The following LMO3 variants were observed in gnomAD, a reference collection of about 807,000 sequenced individuals.
LMO3 encodes LIM domain only 3.
A neutral mutation model predicts 15.8 loss-of-function variants in LMO3; 2 were observed. The observed-to-expected ratio is 0.13, with a 90% CI of 0.05 to 0.40. The LOEUF is 0.40. Ranked by LOEUF, LMO3 falls within the 10% of genes least tolerant of loss-of-function variation. The pLI, the probability that LMO3 is intolerant of heterozygous loss-of-function variation, is 0.99. For synonymous variants in LMO3, 62 were observed against 63.8 expected (o/e 0.97, Z 0.13); for missense variants, 86 against 182.2 (o/e 0.47, Z 3.04).
Position 16,604,762 on chromosome 12 carries a change from T to A in LMO3, c.-9+1304A>T. On this transcript the variant is annotated intron_variant, in intron 1 of 3. Coordinates refer to ENST00000537304, the MANE Select transcript of LMO3 (RefSeq NM_018640.5). This position sits in a 1 kb window ranked among gnomAD's most constrained non-coding sequence, Gnocchi z 5.3. Reference sequence around the variant, plus strand: ...GCAGTTACAACAATAATATTTCGGTTCTTTCAGAAAGACACAAAAGCAGCG... The same window carrying A: ...GCAGTTACAACAATAATATTTCGGTACTTTCAGAAAGACACAAAAGCAGCG... 2.3e-6 allele frequency: 3 copies of A among 1,282,606 alleles called. No homozygotes were observed. In the South Asian group the frequency reaches 3.6e-5, roughly 16 times the overall value. The allele number at this position is 1,282,606 out of a possible 1,614,324, so 79.5% of individuals were successfully genotyped here. A position where few individuals can be genotyped will look rare whatever the true frequency, so the allele number is the denominator to read the frequency against.
chr12:16,592,073 T>C (rs1943510587), intron 2 of LMO3, among the ~76,000 whole-genome samples: 1 of 152,092 alleles, frequency 6.6e-6, no homozygotes, highest in Non-Finnish European at 1.5e-5. Context: ...CTGGATAGCT[T>C]ATTCTTCACA....
At position 16,584,591 on chromosome 12, in the gene LMO3, G is replaced by C. The variant is rs556007557; in HGVS notation, c.206+16064C>G. Among the ~76,000 whole-genome samples, 39 of 152,254 alleles carry C rather than the reference G, an allele frequency of 2.6e-4. 1 individual carries two copies. Among genetic ancestry groups the C allele is most frequent in the African/African-American group, 9.1e-4 (38 of 41,552 alleles). On this transcript the variant is annotated intron_variant, in intron 2 of 3. Coordinates refer to ENST00000537304, the MANE Select transcript of LMO3 (RefSeq NM_018640.5). This position sits in a 1 kb window ranked among gnomAD's most constrained non-coding sequence, Gnocchi z 5.2. The stretch of plus-strand genomic sequence containing the variant: ...ACATTGGCAAGTGGAGGAGTGGGGG[G>C]GGTAAGAGGCCTGTTTAGAGGTGGA...
intron 2 of LMO3, among the ~76,000 whole-genome samples, chr12:16,563,125 T>C (rs956378827): frequency 6.6e-6 from 1 of 152,226 alleles, no homozygotes; most frequent in Non-Finnish European, 1.5e-5. Context: ...TGATGAATTA[T>C]TGCCCCTTTT....
rs1943182607 is a variant in LMO3, at chr12:16,582,220, G to C, written c.206+18435C>G. Among the ~76,000 whole-genome samples, 2 of 152,032 alleles carry C rather than the reference G, an allele frequency of 1.3e-5. No individual in the cohort carries two copies. The highest frequency in any genetic ancestry group is 1.3e-4 in the Admixed American group (2 of 15,252). On this transcript the variant is annotated intron_variant, in intron 2 of 3. Transcript: ENST00000537304. This position sits in a 1 kb window ranked among gnomAD's most constrained non-coding sequence, Gnocchi z 4.1. The stretch of plus-strand genomic sequence containing the variant: ...GCTGAATTTTATCAATTGCCTTTTT[G>C]GTACAGACTGCCATAACTATGGTGT...
rs1014389004 is a variant in LMO3, at chr12:16,598,690, A to G, written c.206+1965T>C. ...TTTAGCAAAACACTTGAGACTATCA[A>G]ATATATTTTTACTACCACAAGGAAA... On this transcript the variant is annotated intron_variant, in intron 2 of 3. Coordinates refer to ENST00000537304, the MANE Select transcript of LMO3 (RefSeq NM_018640.5). This position sits in a 1 kb window ranked among gnomAD's most constrained non-coding sequence, Gnocchi z 4.3. 6.5e-6 allele frequency: 1 copy of G among 154,770 alleles called. No individual in the cohort carries two copies. Among genetic ancestry groups the G allele is most frequent in the African/African-American group, 2.4e-5 (1 of 41,546 alleles). The allele number at this position is 154,770 out of a possible 1,614,324, so 9.6% of individuals were successfully genotyped here.
At chr12:16,595,595 A>G (rs1943625072) in intron 2 of LMO3, among the ~76,000 whole-genome samples, 1 of 151,500 alleles carries the variant, frequency 6.6e-6, no homozygotes, top group African/African-American at 2.4e-5. Flanking sequence ...CTTCTACAAT[A>G]AAGGGAAAAA....
At chr12:16,590,908 A>C (rs1265954728) in intron 2 of LMO3, among the ~76,000 whole-genome samples, 1 of 152,048 alleles carries the variant, frequency 6.6e-6, no homozygotes, top group Admixed American at 6.6e-5. Context: ...ACTTAATCAC[A>C]CAGGGTCATC....
chr12:16,589,779 T>A lies in LMO3; in HGVS notation c.206+10876A>T, dbSNP rs1005126264. ...TGATTAGGAATATAGGTTCCTCAAC[T>A]CAATCTGGACAAGAAAAGCATCTGC... On this transcript the variant is annotated intron_variant, in intron 2 of 3. Coordinates refer to ENST00000537304, the MANE Select transcript of LMO3 (RefSeq NM_018640.5). The surrounding 1 kb of genome is among the most constrained non-coding windows in gnomAD (Gnocchi z 4.2). Among the ~76,000 whole-genome samples, 2 of 152,032 alleles carry A rather than the reference T, an allele frequency of 1.3e-5. No homozygotes were observed. Among genetic ancestry groups the A allele is most frequent in the African/African-American group, 4.8e-5 (2 of 41,406 alleles).
At chr12:16,567,778 A>G (rs1377283602) in intron 2 of LMO3, among the ~76,000 whole-genome samples, 1 of 152,048 alleles carries the variant, frequency 6.6e-6, no homozygotes, top group Non-Finnish European at 1.5e-5. Flanking sequence ...GAGAATCCTC[A>G]GAATATCATC....
Position 16,593,224 on chromosome 12 carries a change from A to G in LMO3, c.206+7431T>C, listed in dbSNP as rs1440991171. Among the ~76,000 whole-genome samples, 3 of 151,888 alleles carry G rather than the reference A, an allele frequency of 2.0e-5. No homozygotes were observed. Among genetic ancestry groups the G allele is most frequent in the Non-Finnish European group, 1.5e-5 (1 of 67,846 alleles). On this transcript the variant is annotated intron_variant, in intron 2 of 3. Transcript: ENST00000537304. The surrounding 1 kb of genome is among the most constrained non-coding windows in gnomAD (Gnocchi z 4.2). ...TTAGTGATAACAATTTTACTTAAAT[A>G]TTGCTTTGGTGTGCTCTTCTGCAAA...
intron 2 of LMO3, among the ~76,000 whole-genome samples, chr12:16,574,904 G>A (rs1283152058): frequency 6.6e-6 from 1 of 152,066 alleles, no homozygotes; most frequent in Non-Finnish European, 1.5e-5. Context: ...AAATCTGGCC[G>A]AGTCCGAGTC....
rs1418224107 is a variant in LMO3, at chr12:16,591,249, C to T, written c.206+9406G>A. Among the ~76,000 whole-genome samples, 1 of 151,898 alleles carries T rather than the reference C, an allele frequency of 6.6e-6. No homozygotes were observed. Among genetic ancestry groups the T allele is most frequent in the Non-Finnish European group, 1.5e-5 (1 of 67,924 alleles). ...GTCCTTCAAACATATGAGAAAAACT[C>T]CCACCTCAGGGCCTTTGTACTGGAT... is the stretch of plus-strand genomic sequence containing the variant. On this transcript the variant is annotated intron_variant, in intron 2 of 3. Transcript: ENST00000537304. The surrounding 1 kb of genome is among the most constrained non-coding windows in gnomAD (Gnocchi z 4.1).
At chr12:16,578,947 G>T (rs567669607) in intron 2 of LMO3, among the ~76,000 whole-genome samples, 62 of 152,168 alleles carry the variant, frequency 4.1e-4, no homozygotes, top group African/African-American at 1.4e-3. Context: ...AAAAAGAAAA[G>T]AAAAAGTTCT....
chr12:16,565,142 TA>T (rs1182011169), intron 2 of LMO3, among the ~76,000 whole-genome samples: 1 of 151,904 alleles, frequency 6.6e-6, no homozygotes, highest in African/African-American at 2.4e-5. Context: ...ATCCTATCTT[TA>T]AAAAAAACTA....
rs920122313 is a variant in LMO3 at position 16,585,872 on chromosome 12, G to A, written c.206+14783C>T. 6.6e-6 allele frequency among the ~76,000 whole-genome samples: 1 copy of A among 152,094 alleles called. No individual in the cohort carries two copies. On this transcript the variant is annotated intron_variant, in intron 2 of 3. Transcript: ENST00000537304. The surrounding 1 kb of genome is among the most constrained non-coding windows in gnomAD (Gnocchi z 4.7). ...ATGTCAACATGTATATGATTCACAG[G>A]CCCAAGTAAAACATCATTTAGTCAT...
chr12:16,568,962 A>G (rs1942716013), intron 2 of LMO3, among the ~76,000 whole-genome samples: 1 of 152,228 alleles, frequency 6.6e-6, no homozygotes, highest in Non-Finnish European at 1.5e-5. Flanking sequence ...CTAACTTGAA[A>G]CTTAAAAATA....
intron 1 of LMO3, chr12:16,605,770 G>C: frequency 6.5e-7 from 1 of 1,535,408 alleles, no homozygotes; most frequent in South Asian, 1.2e-5. Flanking sequence ...AGTCGTACTT[G>C]AGACGTTCCG....
rs1331551272 is a variant in LMO3 at position 16,550,009 on chromosome 12, TTAAAA to T, written c.*1208_*1212del. The T allele has an allele frequency of 1.3e-5, 2 of 152,046 alleles. No individual in the cohort carries two copies. The highest frequency in any genetic ancestry group is 1.9e-4 in the East Asian group (1 of 5,188). The allele number at this position is 152,046 out of a possible 1,614,324, so 9.4% of individuals were successfully genotyped here. A position where few individuals can be genotyped will look rare whatever the true frequency, so the allele number is the denominator to read the frequency against. On this transcript the variant is annotated 3_prime_UTR_variant, in exon 4 of 4. Coordinates refer to ENST00000537304, the MANE Select transcript of LMO3 (RefSeq NM_018640.5). ...ACTTAAAGTGTTTACTTTTTGAACA[TTAAAA>T]TAAATGTCAGGTAAATACAGAAAAA...
intron 2 of LMO3, among the ~76,000 whole-genome samples, chr12:16,574,976 T>C (rs930768909): frequency 6.6e-6 from 1 of 152,114 alleles, no homozygotes; most frequent in African/African-American, 2.4e-5. Flanking sequence ...TTACCCTCAA[T>C]TGAAGTATGA....
Sources: allele counts gnomAD v4.1 joint callset (sites outside exome capture counted in the v4.1 genomes callset), GRCh38; gene constraint gnomAD v4.1.1; non-coding constraint Gnocchi (gnomAD v3.1); transcripts MANE v1.5; gene names NCBI Gene and HGNC (gene_info 2026-07-23, HGNC 2026-07-21).